Variants in NPL observed in about 807,000 individuals in gnomAD.
The protein encoded by NPL is N-acetylneuraminate lyase.
In NPL, 32 loss-of-function variants were observed where a neutral mutation model predicts 41.1. The observed-to-expected ratio is 0.78, with a 90% CI of 0.59 to 1.05. The LOEUF is 1.05. Among genes scored for constraint, NPL ranks in the 50% least tolerant of loss-of-function variants. The pLI is 0.00. For synonymous variants in NPL, 128 were observed against 134.9 expected, an observed-to-expected ratio of 0.95 and a Z score of 0.35; for missense variants, 321 against 378.4, an observed-to-expected ratio of 0.85 and a Z score of 1.26.
At chr1:182,807,755 G>C (rs534364103) in intron 5 of NPL, among the ~76,000 whole-genome samples, 1 of 151,068 alleles carries the variant, frequency 6.6e-6, no homozygotes, top group South Asian at 2.1e-4. Context: ...GCCAGGCATG[G>C]TGGCGGGCTC....
At chr1:182,795,667 G>A (rs1476369879) in intron 3 of NPL, 1 of 152,098 alleles carries the variant, frequency 6.6e-6, no homozygotes, top group East Asian at 1.9e-4. Context: ...TTGCTGATAC[G>A]GCATTTAGAT....
intron 5 of NPL, chr1:182,809,346 C>A: frequency 6.5e-6 from 2 of 308,482 alleles, no homozygotes; most frequent in South Asian, 2.5e-5. Context: ...TGAGACCAAC[C>A]TGGCCAACCT....
At chr1:182,823,791 C>T (rs1403447106) in intron 11 of NPL, among the ~76,000 whole-genome samples, 3 of 152,114 alleles carry the variant, frequency 2.0e-5, no homozygotes, top group Admixed American at 6.5e-5. Context: ...CTTTTTTCCC[C>T]TCTTAGTCCC....
chr1:182,792,732 A>G (rs935300736), intron 2 of NPL, among the ~76,000 whole-genome samples: 2 of 152,076 alleles, frequency 1.3e-5, no homozygotes, highest in Non-Finnish European at 2.9e-5. Flanking sequence ...TTTAGGAGCA[A>G]CTCTTGCTGA....
chr1:182,795,648 A>T (rs918089333), intron 3 of NPL: 3 of 152,188 alleles, frequency 2.0e-5, no homozygotes, highest in African/African-American at 7.2e-5. Flanking sequence ...CTAGGTCTAA[A>T]TAAGATTCTT....
At position 182,829,077 on chromosome 1, in the gene NPL, A is replaced by C; in HGVS notation, c.*169A>C. 2 of 1,440,002 alleles carry C rather than the reference A, an allele frequency of 1.4e-6. No homozygotes were observed. The highest frequency in any genetic ancestry group is 1.8e-6 in the Non-Finnish European group (2 of 1,103,472). 89.2% of individuals were successfully genotyped at this position (1,440,002 alleles called of 1,614,324 possible). On this transcript the variant is annotated 3_prime_UTR_variant, in exon 13 of 13. Transcript: ENST00000367553. Reference sequence around the variant, plus strand: ...GAGCCTTAAAAAGTCTTATTTTGTGAAGGGGCAAAAACTCTAGGAGTCACA... The same window carrying C: ...GAGCCTTAAAAAGTCTTATTTTGTGCAGGGGCAAAAACTCTAGGAGTCACA...
chr1:182,794,556 G>A (rs1332572817), intron 3 of NPL, 117 bp downstream of exon 3: 3 of 1,030,950 alleles, frequency 2.9e-6, no homozygotes, highest in African/African-American at 3.2e-5. Flanking sequence ...TTGCCAAAAG[G>A]CAGCTTCTGT....
At chr1:182,824,639 T>C (rs1483762333) in intron 11 of NPL, among the ~76,000 whole-genome samples, 1 of 151,830 alleles carries the variant, frequency 6.6e-6, no homozygotes, top group African/African-American at 2.4e-5. Flanking sequence ...CTACTAAAAA[T>C]ACAAAAAATT....
chr1:182,799,883 C>T (rs1324511441), intron 3 of NPL, among the ~76,000 whole-genome samples: 1 of 152,128 alleles, frequency 6.6e-6, no homozygotes, highest in Non-Finnish European at 1.5e-5. Context: ...GGTCACTCTC[C>T]CCTGATGTGC....
Position 182,804,110 on chromosome 1 carries a change from C to G in NPL, c.142+339C>G, listed in dbSNP as rs73065364. Among the ~76,000 whole-genome samples, 440 of 152,222 alleles carry G rather than the reference C, an allele frequency of 2.9e-3. 3 individuals are homozygous for G. The highest frequency in any genetic ancestry group is 5.1e-3 in the Non-Finnish European group (345 of 68,004). The stretch of plus-strand genomic sequence containing the variant: ...ACAACCAAACCCTCTTAAGTAACAA[C>G]TAAACACTCTTCTCTCTTTTGTTTA... On this transcript the variant is annotated intron_variant, in intron 4 of 12. Coordinates refer to ENST00000367553, the MANE Select transcript of NPL (RefSeq NM_030769.3).
At chr1:182,794,507 A>G (rs1198561313) in intron 3 of NPL, 68 bp downstream of exon 3, 2 of 1,480,936 alleles carry the variant, frequency 1.4e-6, no homozygotes, top group East Asian at 4.5e-5. Flanking sequence ...AGTTCTTTGT[A>G]ACAACAGTCA....
intron 8 of NPL, among the ~76,000 whole-genome samples, chr1:182,817,340 TA>T (rs1376270923): frequency 3.3e-5 from 5 of 152,230 alleles, no homozygotes; most frequent in Non-Finnish European, 5.9e-5. Context: ...CTGTACTTTA[TA>T]AACATTCTGA....
At chr1:182,806,796 A>G (rs1281069070) in intron 5 of NPL, among the ~76,000 whole-genome samples, 1 of 152,196 alleles carries the variant, frequency 6.6e-6, no homozygotes, top group Non-Finnish European at 1.5e-5. Context: ...ACAGGATAGT[A>G]TCAGTTCCAT....
At chr1:182,794,512 C>T in intron 3 of NPL, 73 bp downstream of exon 3, 1 of 1,454,480 alleles carries the variant, frequency 6.9e-7, no homozygotes, top group Admixed American at 1.7e-5. Context: ...TTTGTAACAA[C>T]AGTCACTTAA....
chr1:182,809,580 A>G (rs1255182877), intron 5 of NPL, among the ~76,000 whole-genome samples: 2 of 151,920 alleles, frequency 1.3e-5, no homozygotes, highest in Non-Finnish European at 2.9e-5. Context: ...GGAGGAAAGC[A>G]AATGGTGATA....
Position 182,829,683 on chromosome 1 carries a change from G to T in NPL, c.*775G>T. 1 of 1,502,182 alleles carries T rather than the reference G, an allele frequency of 6.7e-7. No homozygotes were observed. The highest frequency in any genetic ancestry group is 1.2e-5 in the South Asian group (1 of 83,030). The allele number at this position is 1,502,182 out of a possible 1,614,324, so 93.1% of individuals were successfully genotyped here. On this transcript the variant is annotated 3_prime_UTR_variant, in exon 13 of 13. Coordinates refer to ENST00000367553, the MANE Select transcript of NPL (RefSeq NM_030769.3). ...AAACTTCCCCTTCCTCCACTGAGAA[G>T]ACTGTCTCTCCCGCAGGACCCTGAA...
intron 11 of NPL, among the ~76,000 whole-genome samples, chr1:182,823,787 TC>T (rs1390079037): frequency 3.3e-5 from 5 of 152,354 alleles, no homozygotes; most frequent in Admixed American, 6.5e-5. Flanking sequence ...CCATCTTTTT[TC>T]CCCTCTTAGT....
In NPL at chr1:182,794,920, G is replaced by A. The variant is rs907736694; in HGVS notation, c.68+481G>A. On this transcript the variant is annotated intron_variant, in intron 3 of 12. Transcript: ENST00000367553. Reference sequence around the variant, plus strand: ...ATGTCCTACCCTGAGGAAAGTGGGAGGTTATCTGCAAGATGGACTCTTTTT... The same window carrying A: ...ATGTCCTACCCTGAGGAAAGTGGGAAGTTATCTGCAAGATGGACTCTTTTT... Among the ~76,000 whole-genome samples, 3 of 152,174 alleles carry A rather than the reference G, an allele frequency of 2.0e-5. No homozygotes were observed. In the South Asian group the frequency reaches 6.2e-4, roughly 32 times the overall value.
chr1:182,814,926 GTTATAT>G, intron 7 of NPL, 68 bp downstream of exon 7: 1 of 1,279,236 alleles, frequency 7.8e-7, no homozygotes, highest in South Asian at 1.2e-5. Flanking sequence ...ATTCAAAATG[GTTATAT>G]TTAATTTGTG....
Sources: gnomAD v4.1 joint callset for allele counts (sites outside exome capture counted in the v4.1 genomes callset) on GRCh38, gnomAD v4.1.1 for gene constraint, MANE v1.5 for transcripts, NCBI Gene and HGNC (gene_info 2026-07-23, HGNC 2026-07-21) for gene names.